Variants in SF3B3 observed in about 807,000 individuals in gnomAD.
SF3B3 encodes the protein SAP 130.
A neutral mutation model predicts 139.2 loss-of-function variants in SF3B3; 33 were observed. The observed-to-expected ratio is 0.24, with a 90% CI of 0.18 to 0.32. SF3B3 has a LOEUF of 0.32. Ranked by LOEUF, SF3B3 falls within the 10% of genes least tolerant of loss-of-function variation. SF3B3 has a pLI of 1.00. For synonymous variants in SF3B3, 596 were observed against 563.6 expected (o/e 1.06, Z -0.81); for missense variants, 818 against 1,509.4 (o/e 0.54, Z 7.59).
At chr16:70,558,618 A>G (rs1427581660) in intron 15 of SF3B3, among the ~76,000 whole-genome samples, 1 of 152,156 alleles carries the variant, frequency 6.6e-6, no homozygotes, top group East Asian at 1.9e-4. Context: ...CTTCCTTGAC[A>G]CAGAGTCTTG....
intron 15 of SF3B3, among the ~76,000 whole-genome samples, chr16:70,558,652 A>C (rs1180363545): frequency 6.6e-6 from 1 of 152,180 alleles, no homozygotes; most frequent in African/African-American, 2.4e-5. Flanking sequence ...GCTGGAGTGC[A>C]GTGGTGTGAT....
rs547280591 is a variant in SF3B3 at position 70,575,201 on chromosome 16, T to A, written c.*3388T>A. On this transcript the variant is annotated 3_prime_UTR_variant, in exon 26 of 26. Transcript: ENST00000302516. ...TTTTTCTTTTTCTTTTTTTTCTTTT[T>A]TTTTTTTTTTTTTTTGAGATGAAGT... 7.0e-6 allele frequency: 1 copy of A among 143,438 alleles called. No homozygotes were observed. Among genetic ancestry groups the A allele is most frequent in the Non-Finnish European group, 1.5e-5 (1 of 65,756 alleles). 8.9% of individuals were successfully genotyped at this position (143,438 alleles called of 1,614,324 possible).
intron 7 of SF3B3, 56 bp from the exon 8 acceptor site, chr16:70,539,048 T>C: frequency 7.3e-6 from 9 of 1,238,836 alleles, no homozygotes; most frequent in Non-Finnish European, 1.1e-5. Flanking sequence ...TGCTGTCTTA[T>C]AATACGGGGC....
Position 70,538,405 on chromosome 16 carries a change from C to T in SF3B3, c.908C>T (p.Ala303Val), listed in dbSNP as rs753380427. 1 of 1,613,724 alleles carries T rather than the reference C, an allele frequency of 6.2e-7. No homozygotes were observed. The highest frequency in any genetic ancestry group is 8.5e-7 in the Non-Finnish European group (1 of 1,179,736). ...HKTKSMFFFL[A>V]QTEQGDIFKI... The stretch of plus-strand genomic sequence containing the variant: ...ACCAAATCGATGTTCTTCTTTTTGG[C>T]TCAAACTGAGCAGGGAGATATCTTT... The change falls in exon 7 of 26, where the codon GCT (alanine) becomes GTT (valine). Residue 303 changes from alanine (A) to valine (V), a missense_variant. Around this residue, in one of 14 missense-constraint regions of SF3B3, gnomAD observed 80 missense variants for 206.5 expected, o/e 0.39. Coordinates refer to ENST00000302516, the MANE Select transcript of SF3B3 (RefSeq NM_012426.5).
Position 70,569,049 on chromosome 16 carries a change from C to T in SF3B3, c.3172C>T (p.Leu1058Phe), listed in dbSNP as rs747659978. ...DKFGNICVVR[L>F]PPNTNDEVDE... ...TTGTGTCACTTCCTTGTAGGTGAGGCTCCCACCTAACACCAATGATGAAGT... is the reference window on the plus strand; with the variant it reads ...TTGTGTCACTTCCTTGTAGGTGAGGTTCCCACCTAACACCAATGATGAAGT... The change falls in exon 23 of 26, where the codon CTC (leucine) becomes TTC (phenylalanine). Residue 1058 changes from leucine to phenylalanine, a missense_variant. By Grantham distance (22) the Leu-to-Phe change is conservative (BLOSUM62 0). This residue lies in a region of SF3B3 where 91 missense variants were observed against 171.8 expected (regional missense o/e 0.53). Transcript: ENST00000302516. The T allele has an allele frequency of 6.2e-7, 1 of 1,606,942 alleles. No individual in the cohort carries two copies. The highest frequency in any genetic ancestry group is 8.5e-7 in the Non-Finnish European group (1 of 1,176,414).
At chr16:70,531,545 A>G (rs879481895) in intron 4 of SF3B3, among the ~76,000 whole-genome samples, 1 of 152,200 alleles carries the variant, frequency 6.6e-6, no homozygotes, top group East Asian at 1.9e-4. Flanking sequence ...TGCTGGGATT[A>G]TAAGGCCTGA....
chr16:70,530,972 T>A (rs1470618416), intron 4 of SF3B3, 55 bp downstream of exon 4: 1 of 1,516,994 alleles, frequency 6.6e-7, no homozygotes, highest in Non-Finnish European at 8.9e-7. Context: ...TGTTTTTTTT[T>A]AAGATTGTTT....
At chr16:70,555,459 CAG>C (rs1410100876) in intron 13 of SF3B3, among the ~76,000 whole-genome samples, 1 of 115,776 alleles carries the variant, frequency 8.6e-6, no homozygotes, top group Non-Finnish European at 1.6e-5. Flanking sequence ...AGCCTGGCGA[CAG>C]AGCAAGACTC....
chr16:70,548,226 T>A (rs771890321), intron 10 of SF3B3, 144 bp from the exon 11 acceptor site: 1 of 668,252 alleles, frequency 1.5e-6, no homozygotes, highest in Non-Finnish European at 2.6e-6. Flanking sequence ...GTTCTTAGAT[T>A]CTTCTTTCAC....
chr16:70,563,909 C>T lies in SF3B3; in HGVS notation c.2322C>T (p.Phe774=), dbSNP rs755026545. 2.6e-5 allele frequency: 42 copies of T among 1,614,110 alleles called. No individual in the cohort carries two copies. In the South Asian group the frequency reaches 4.4e-4, roughly 17 times the overall value. Residue 774 remains phenylalanine, a synonymous_variant, in exon 18 of 26, where the codon TTC becomes TTT. Transcript: ENST00000302516. ...ILALEKLGAV[F]NQVAFPLQYT... ...CATTAGAGAAGCTCGGTGCTGTCTT[C>T]AATCAAGTAGCCTTCCCACTGCAGT...
intron 17 of SF3B3, among the ~76,000 whole-genome samples, chr16:70,562,764 T>C (rs2151792493): frequency 6.6e-6 from 1 of 152,328 alleles, no homozygotes; most frequent in South Asian, 2.1e-4. Context: ...TCAGGGAAGG[T>C]GACTTATGAG....
intron 18 of SF3B3, 111 bp from the exon 19 acceptor site, chr16:70,564,954 T>G: frequency 1.1e-6 from 1 of 932,428 alleles, no homozygotes. Flanking sequence ...TGGCTGACTT[T>G]GCTGCTTTAT....
At chr16:70,529,320 C>T (rs545713171) in intron 3 of SF3B3, 121 bp downstream of exon 3, 2 of 786,560 alleles carry the variant, frequency 2.5e-6, no homozygotes, top group Non-Finnish European at 4.0e-6. Flanking sequence ...TGGATTTACT[C>T]TAGGTTTAAA....
At chr16:70,564,483 T>C (rs1217516975) in intron 18 of SF3B3, among the ~76,000 whole-genome samples, 1 of 152,272 alleles carries the variant, frequency 6.6e-6, no homozygotes, top group African/African-American at 2.4e-5. Flanking sequence ...TTAGAGCCTT[T>C]CTTGTAACCC....
intron 15 of SF3B3, 145 bp from the exon 16 acceptor site, chr16:70,560,324 C>T (rs537419800): frequency 3.4e-5 from 25 of 729,084 alleles, no homozygotes; most frequent in South Asian, 2.0e-4. Flanking sequence ...GAATGGCTAT[C>T]GGATTATTAG....
intron 11 of SF3B3, chr16:70,550,613 A>G: frequency 1.0e-6 from 1 of 981,470 alleles, no homozygotes; most frequent in Non-Finnish European, 1.2e-6. Context: ...TTGGTGATGC[A>G]CACTACCAAT....
chr16:70,569,528 T>C (rs1202804220), intron 23 of SF3B3, among the ~76,000 whole-genome samples: 1 of 152,240 alleles, frequency 6.6e-6, no homozygotes, highest in Non-Finnish European at 1.5e-5. Context: ...ATGATTCTTA[T>C]CGTAAGAAAT....
intron 11 of SF3B3, chr16:70,550,702 G>A (rs761053997): frequency 1.9e-5 from 19 of 982,382 alleles, no homozygotes; most frequent in Non-Finnish European, 1.5e-5. Flanking sequence ...TGCTAGGGTC[G>A]ATGTGGGGTC....
intron 11 of SF3B3, among the ~76,000 whole-genome samples, chr16:70,552,783 C>T (rs1160111596): frequency 6.6e-6 from 1 of 152,168 alleles, no homozygotes; most frequent in Non-Finnish European, 1.5e-5. Flanking sequence ...AGTAATTATC[C>T]TACTATATAT....
Sources: allele counts gnomAD v4.1 joint callset (sites outside exome capture counted in the v4.1 genomes callset), GRCh38; gene constraint gnomAD v4.1.1; regional missense constraint gnomAD v4.1.1; transcripts MANE v1.5; gene names NCBI Gene and HGNC (gene_info 2026-07-23, HGNC 2026-07-21).